The following ADCY2 variants were observed in gnomAD, a reference collection of about 807,000 sequenced individuals.
The protein encoded by ADCY2 is adenylate cyclase type 2.
Under a neutral mutation model 125.2 loss-of-function variants are expected in ADCY2, and 31 were observed. That is an observed-to-expected ratio of 0.25 (90% CI 0.19 to 0.33). The LOEUF (loss-of-function observed/expected upper bound fraction) is 0.33, where lower values mean the gene tolerates loss of function less well. Ranked by LOEUF, ADCY2 falls within the 10% of genes least tolerant of loss-of-function variation. The pLI is 1.00. For synonymous variants in ADCY2, 512 were observed against 548.4 expected (o/e 0.93, Z 0.93); for missense variants, 904 against 1,418.2 (o/e 0.64, Z 5.82).
chr5:7,730,613 TTATC>T (rs1489378688), intron 14 of ADCY2, among the ~76,000 whole-genome samples: 1 of 152,218 alleles, frequency 6.6e-6, no homozygotes, highest in East Asian at 1.9e-4. Context: ...TAAAATTTCT[TTATC>T]TACTTTATTT....
intron 3 of ADCY2, among the ~76,000 whole-genome samples, chr5:7,562,929 T>A (rs1735757751): frequency 1.3e-5 from 2 of 152,206 alleles, no homozygotes; most frequent in South Asian, 4.1e-4. Context: ...TGGCAAGACA[T>A]TCTTATTAAC....
At chr5:7,483,057 C>T (rs1466142954) in intron 2 of ADCY2, among the ~76,000 whole-genome samples, 1 of 151,654 alleles carries the variant, frequency 6.6e-6, no homozygotes, top group African/African-American at 2.4e-5. Context: ...TTAATGGGTA[C>T]AAACATACAG....
intron 2 of ADCY2, among the ~76,000 whole-genome samples, chr5:7,512,411 T>C (rs1744103462): frequency 6.6e-6 from 1 of 151,968 alleles, no homozygotes; most frequent in Non-Finnish European, 1.5e-5. Context: ...ATTTGGATGA[T>C]GTTGTAGCCA....
At chr5:7,698,428 A>G (rs1674533973) in intron 7 of ADCY2, 54 bp downstream of exon 7, 1 of 1,596,642 alleles carries the variant, frequency 6.3e-7, no homozygotes, top group Non-Finnish European at 8.6e-7. Flanking sequence ...TCTGGGGTAC[A>G]TGTGCACAAC....
chr5:7,735,769 T>C (rs950898650), intron 14 of ADCY2, among the ~76,000 whole-genome samples: 2 of 152,236 alleles, frequency 1.3e-5, no homozygotes, highest in Non-Finnish European at 2.9e-5. Flanking sequence ...TCATAAGAGA[T>C]ACTGATTTCT....
At chr5:7,733,026 T>A (rs138237170) in intron 14 of ADCY2, among the ~76,000 whole-genome samples, 1 of 152,196 alleles carries the variant, frequency 6.6e-6, no homozygotes, top group African/African-American at 2.4e-5. Context: ...ATGAATTGCT[T>A]TTTTTGCTTT....
At chr5:7,435,421 T>A (rs1282078721) in intron 2 of ADCY2, among the ~76,000 whole-genome samples, 1 of 152,214 alleles carries the variant, frequency 6.6e-6, no homozygotes, top group Admixed American at 6.5e-5. Context: ...ATCCTTTTCA[T>A]CATACGACAT....
chr5:7,489,887 A>G (rs765967986), intron 2 of ADCY2, among the ~76,000 whole-genome samples: 7 of 152,256 alleles, frequency 4.6e-5, no homozygotes, highest in Non-Finnish European at 1.0e-4. Flanking sequence ...TCCCGTGATG[A>G]CTTAAGATGG....
chr5:7,696,770 T>C (rs1740907114), intron 6 of ADCY2, among the ~76,000 whole-genome samples: 1 of 151,986 alleles, frequency 6.6e-6, no homozygotes, highest in Non-Finnish European at 1.5e-5. Context: ...TGATCATTCT[T>C]GGGCCAAACT....
At chr5:7,491,160 T>C (rs1388224854) in intron 2 of ADCY2, among the ~76,000 whole-genome samples, 1 of 152,238 alleles carries the variant, frequency 6.6e-6, no homozygotes, top group Non-Finnish European at 1.5e-5. Context: ...TATCAACAAA[T>C]TATAATTTTA....
intron 4 of ADCY2, among the ~76,000 whole-genome samples, chr5:7,656,007 C>T (rs181562568): frequency 1.3e-5 from 2 of 151,618 alleles, no homozygotes; most frequent in East Asian, 1.9e-4. Flanking sequence ...GCACCTGTCT[C>T]ATAGACACCT....
chr5:7,747,194 C>T (rs1031507884), intron 15 of ADCY2, among the ~76,000 whole-genome samples: 1 of 152,178 alleles, frequency 6.6e-6, no homozygotes, highest in Non-Finnish European at 1.5e-5. Context: ...GGTCTCAGTT[C>T]TTGTGCACGT....
At chr5:7,544,165 C>T (rs1008491376) in intron 3 of ADCY2, among the ~76,000 whole-genome samples, 2 of 152,138 alleles carry the variant, frequency 1.3e-5, no homozygotes, top group African/African-American at 2.4e-5. Context: ...CATTAGCTCC[C>T]CATGGAAAAG....
intron 2 of ADCY2, among the ~76,000 whole-genome samples, chr5:7,470,225 G>T (rs1742285308): frequency 6.6e-6 from 1 of 151,624 alleles, no homozygotes; most frequent in African/African-American, 2.4e-5. Flanking sequence ...CTGTGTTGTG[G>T]TAATTTTTAT....
At chr5:7,677,415 C>T (rs918145962) in intron 4 of ADCY2, among the ~76,000 whole-genome samples, 5 of 152,162 alleles carry the variant, frequency 3.3e-5, no homozygotes, top group South Asian at 2.1e-4. Context: ...TTCCTCTCCA[C>T]GATTGAATCT....
chr5:7,819,939 G>C (rs1162509120), intron 23 of ADCY2, among the ~76,000 whole-genome samples: 1 of 152,176 alleles, frequency 6.6e-6, no homozygotes, highest in Non-Finnish European at 1.5e-5. Context: ...GACCAAGCAG[G>C]GATGAGCAGT....
intron 22 of ADCY2, among the ~76,000 whole-genome samples, chr5:7,809,902 T>C (rs1473779990): frequency 6.6e-6 from 1 of 152,246 alleles, no homozygotes. Context: ...CAGGCATTTG[T>C]CAAGAAAGGA....
At chr5:7,728,890 A>G (rs1170073819) in intron 14 of ADCY2, among the ~76,000 whole-genome samples, 2 of 152,174 alleles carry the variant, frequency 1.3e-5, no homozygotes, top group Admixed American at 1.3e-4. Context: ...GACTTCCAGG[A>G]ACCAGGAAAA....
intron 2 of ADCY2, among the ~76,000 whole-genome samples, chr5:7,429,737 C>T (rs535325085): frequency 6.6e-6 from 1 of 152,260 alleles, no homozygotes; most frequent in South Asian, 2.1e-4. Flanking sequence ...TGCTGTATCA[C>T]GATCTGTGGA....
Sources: allele counts gnomAD v4.1 joint callset (sites outside exome capture counted in the v4.1 genomes callset), GRCh38; gene constraint gnomAD v4.1.1; transcripts MANE v1.5; gene names NCBI Gene and HGNC (gene_info 2026-07-23, HGNC 2026-07-21).